The following LST1 variants were observed in gnomAD, a reference collection of about 807,000 sequenced individuals.
The protein encoded by LST1 is leukocyte-specific transcript 1 protein.
Under a neutral mutation model 8.5 loss-of-function variants are expected in LST1, and 9 were observed. That is an observed-to-expected ratio of 1.06 (90% confidence interval 0.64 to 1.85). The LOEUF (loss-of-function observed/expected upper bound fraction) is 1.85. Among genes scored for constraint, LST1 ranks in the 40% most tolerant of loss-of-function variants. LST1 has a pLI of 0.00. For synonymous variants in LST1, 53 were observed against 50.4 expected, an observed-to-expected ratio of 1.05 and a Z score of -0.21; for missense variants, 121 against 117.1, an observed-to-expected ratio of 1.03 and a Z score of -0.16.
In LST1 at chr6:31,587,241, C is replaced by T. The variant is rs1772015062; in HGVS notation, c.-59C>T. ...AAGTCACCAGCCCCTGATCATTTCG[C>T]CTAAAAGAGCAAGGACTAGAGTTCC... On this transcript the variant is annotated 5_prime_UTR_variant, in exon 2 of 5. Transcript: ENST00000438075. 1 of 1,167,940 alleles carries T rather than the reference C, an allele frequency of 8.6e-7. No homozygotes were observed. Among genetic ancestry groups the T allele is most frequent in the Non-Finnish European group, 1.3e-6 (1 of 774,998 alleles). 72.3% of individuals were successfully genotyped at this position (1,167,940 alleles called of 1,614,324 possible).
intron 4 of LST1, 75 bp downstream of exon 4, chr6:31,588,041 G>A (rs13211368): frequency 0.015 from 22,630 of 1,479,206 alleles, 271 homozygotes; most frequent in South Asian, 0.047. Flanking sequence ...ATGGCTGAGC[G>A]CTGAGAGGAG....
rs754305381 is a variant in LST1, at chr6:31,588,513, C to A, written c.136-5C>A. The A allele has an allele frequency of 6.9e-6, 11 of 1,594,616 alleles. No individual in the cohort carries two copies. The highest frequency in any genetic ancestry group is 9.4e-6 in the Non-Finnish European group (11 of 1,170,920). ...TCCCATCAGCACCTTCTGTCCTGGT[C>A]CCAGGCCCAGGGCTCCTCAGAGCAG... On this transcript the variant is annotated splice_region_variant and splice_polypyrimidine_tract_variant and intron_variant, in intron 4 of 4. Transcript: ENST00000438075.
chr6:31,588,718 T>A lies in LST1; in HGVS notation c.*42T>A. 1 of 1,607,786 alleles carries A rather than the reference T, an allele frequency of 6.2e-7. No individual in the cohort carries two copies. Among genetic ancestry groups the A allele is most frequent in the Non-Finnish European group, 8.5e-7 (1 of 1,175,292 alleles). On this transcript the variant is annotated 3_prime_UTR_variant, in exon 5 of 5. Coordinates refer to ENST00000438075, the MANE Select transcript of LST1 (RefSeq NM_205839.3). ...CCTCAACCCAGGCGGGTGGACAGGGTCCCCCTGTGGTCCAGCCAGTAAAAA... is the reference window on the plus strand; with the variant it reads ...CCTCAACCCAGGCGGGTGGACAGGGACCCCCTGTGGTCCAGCCAGTAAAAA...
At position 31,588,511 on chromosome 6, in the gene LST1, G is replaced by A. The variant is rs780605169; in HGVS notation, c.136-7G>A. On this transcript the variant is annotated splice_region_variant and splice_polypyrimidine_tract_variant and intron_variant, in intron 4 of 4. Transcript: ENST00000438075. ...CCTCCCATCAGCACCTTCTGTCCTG[G>A]TCCCAGGCCCAGGGCTCCTCAGAGC... The A allele has an allele frequency of 6.3e-7, 1 of 1,592,892 alleles. No homozygotes were observed. The highest frequency in any genetic ancestry group is 1.1e-5 in the South Asian group (1 of 88,532).
Position 31,587,655 on chromosome 6 carries a change from G to C in LST1, c.34G>C (p.Gly12Arg). ...CTTCCCTGAAGATATATGTATCTAC[G>C]GGGGCCTGGGGCTGGGCGGGCTCCT... is the stretch of plus-strand genomic sequence containing the variant. ...LSRNDDICIY[G>R]GLGLGGLLLL... The change falls in exon 3 of 5, where the codon GGG becomes CGG. Residue 12 changes from glycine (G) to arginine (R), a missense_variant. Physicochemically the swap from Gly to Arg is moderately radical, Grantham distance 125. Transcript: ENST00000438075. 2 of 1,601,472 alleles carry C rather than the reference G, an allele frequency of 1.2e-6. No homozygotes were observed. The highest frequency in any genetic ancestry group is 1.1e-5 in the South Asian group (1 of 89,096).
Position 31,587,660 on chromosome 6 carries a change from C to T in LST1, c.39C>T (p.Gly13=), listed in dbSNP as rs1298014188. 1 of 1,603,372 alleles carries T rather than the reference C, an allele frequency of 6.2e-7. No individual in the cohort carries two copies. The highest frequency in any genetic ancestry group is 8.5e-7 in the Non-Finnish European group (1 of 1,175,638). Residue 13 remains glycine, a synonymous_variant, in exon 3 of 5, where the codon GGC becomes GGT. Coordinates refer to ENST00000438075, the MANE Select transcript of LST1 (RefSeq NM_205839.3). The part of the protein sequence containing the change: ...SRNDDICIYG[G]LGLGGLLLLA... ...CTGAAGATATATGTATCTACGGGGG[C>T]CTGGGGCTGGGCGGGCTCCTGCTTC...
chr6:31,587,873 TG>T, intron 3 of LST1, 70 bp from the exon 4 acceptor site: 3 of 1,561,438 alleles, frequency 1.9e-6, no homozygotes, highest in Admixed American at 1.8e-5. Flanking sequence ...CGCCTGCTGG[TG>T]GGGGGAGCCC....
In LST1 at chr6:31,587,218, G is replaced by C; in HGVS notation, c.-82G>C. On this transcript the variant is annotated 5_prime_UTR_variant, in exon 2 of 5. Transcript: ENST00000438075. ...TTCACAGATGAGGAACTTGAGGCAA[G>C]TCACCAGCCCCTGATCATTTCGCCT... 1.1e-6 allele frequency: 1 copy of C among 927,714 alleles called. No homozygotes were observed. 57.5% of individuals were successfully genotyped at this position (927,714 alleles called of 1,614,324 possible). A position where few individuals can be genotyped will look rare whatever the true frequency, so the allele number is the denominator to read the frequency against.
chr6:31,588,017 G>A (rs769747199), intron 4 of LST1, 51 bp downstream of exon 4: 1 of 1,557,634 alleles, frequency 6.4e-7, no homozygotes, highest in Non-Finnish European at 8.7e-7. Flanking sequence ...CTGAGTGGGT[G>A]AGTGGGGAGA....
At chr6:31,587,812 C>A in intron 3 of LST1, 79 bp downstream of exon 3, 1 of 1,511,580 alleles carries the variant, frequency 6.6e-7, no homozygotes. Context: ...CACTGCTTTC[C>A]CAGAACACTG....
rs114824624 is a variant in LST1 at position 31,587,578 on chromosome 6, C to G, written c.20-63C>G. 126 of 1,074,838 alleles carry G rather than the reference C, an allele frequency of 1.2e-4. 1 individual carries two copies. The African/African-American group carries it at 1.8e-3, about 15-fold the overall frequency. 66.6% of individuals were successfully genotyped at this position (1,074,838 alleles called of 1,614,324 possible). A position where few individuals can be genotyped will look rare whatever the true frequency, so the allele number is the denominator to read the frequency against. On this transcript the variant is annotated intron_variant, in intron 2 of 4. Transcript: ENST00000438075. Reference sequence around the variant, plus strand: ...GGAATCTGAGAAAGCTGCAACCAACCAGGAGGCTGGGGTACGCTGGAGAAG... The same window carrying G: ...GGAATCTGAGAAAGCTGCAACCAACGAGGAGGCTGGGGTACGCTGGAGAAG...
At chr6:31,588,160 G>C (rs886335744) in intron 4 of LST1, 194 bp downstream of exon 4, 2 of 592,834 alleles carry the variant, frequency 3.4e-6, no homozygotes, top group Non-Finnish European at 5.8e-6. Context: ...GAAAAAGTGA[G>C]ACAGAGGATA....
intron 1 of LST1, chr6:31,586,824 C>G (rs1183454181): frequency 6.0e-6 from 1 of 166,826 alleles, no homozygotes; most frequent in Non-Finnish European, 1.3e-5. Flanking sequence ...TGATATCACC[C>G]TCCCTTCTTC....
In LST1 at chr6:31,588,656, G is replaced by T. The variant is rs374486440; in HGVS notation, c.274G>T (p.Ala92Ser). ...EDPRADYACI[A>S]ENKPT is the part of the protein sequence containing the mutation. The stretch of plus-strand genomic sequence containing the variant: ...TCCAAGAGCTGACTATGCCTGCATT[G>T]CTGAGAACAAACCCACCTGAGCACC... Residue 92 changes from alanine (A) to serine (S), a missense_variant, in exon 5 of 5, where the codon GCT (alanine) becomes TCT (serine). Ala to Ser is a moderately conservative substitution (Grantham distance 99, BLOSUM62 1). Transcript: ENST00000438075. The T allele has an allele frequency of 4.6e-5, 75 of 1,613,022 alleles. No individual in the cohort carries two copies. Among genetic ancestry groups the T allele is most frequent in the Non-Finnish European group, 5.8e-5 (69 of 1,180,026 alleles).
At position 31,588,403 on chromosome 6, in the gene LST1, G is replaced by GGGGA. The variant is rs1181746757; in HGVS notation, c.136-114_136-113insGGAG. 7.4e-6 allele frequency: 4 copies of GGGGA among 539,870 alleles called. No homozygotes were observed. In the South Asian group the frequency reaches 8.4e-5, roughly 11 times the overall value. The allele number at this position is 539,870 out of a possible 1,614,324, so 33.4% of individuals were successfully genotyped here. A position where few individuals can be genotyped will look rare whatever the true frequency, so the allele number is the denominator to read the frequency against. ...GAGAGAGAGAGAGAGAGAGAGAGAG[G>GGGGA]GAGAGAGAGAGAGAGAGAGGGAGAG... is the stretch of plus-strand genomic sequence containing the variant. On this transcript the variant is annotated intron_variant, in intron 4 of 4. Coordinates refer to ENST00000438075, the MANE Select transcript of LST1 (RefSeq NM_205839.3).
chr6:31,588,389 A>G (rs370091858), intron 4 of LST1, 129 bp from the exon 5 acceptor site: 5 of 889,238 alleles, frequency 5.6e-6, no homozygotes, highest in African/African-American at 5.1e-5. Context: ...AGAGAGAGAG[A>G]GAGAGAGAGA....
intron 4 of LST1, 147 bp from the exon 5 acceptor site, chr6:31,588,371 A>AC: frequency 4.9e-6 from 4 of 809,280 alleles, no homozygotes; most frequent in Non-Finnish European, 5.8e-6. Context: ...TCTCCAAAGA[A>AC]AAAAGAGAGA....
chr6:31,588,534 A>G lies in LST1; in HGVS notation c.152A>G (p.Glu51Gly), dbSNP rs778016716. 1.2e-6 allele frequency: 2 copies of G among 1,608,674 alleles called. No homozygotes were observed. The highest frequency in any genetic ancestry group is 1.7e-6 in the Non-Finnish European group (2 of 1,177,980). The change falls in exon 5 of 5, where the codon GAG becomes GGG. Residue 51 changes from glutamate (E) to glycine (G), a missense_variant. Physicochemically the swap from Glu to Gly is moderately conservative, Grantham distance 98. Transcript: ENST00000438075. ...TGGTCCCAGGCCCAGGGCTCCTCAG[A>G]GCAGGAACTCCACTATGCATCTCTG... ...LERSWAQGSS[E>G]QELHYASLQR... is the part of the protein sequence containing the mutation.
In LST1 at chr6:31,588,730, C is replaced by T; in HGVS notation, c.*54C>T. 1 of 1,598,348 alleles carries T rather than the reference C, an allele frequency of 6.3e-7. No individual in the cohort carries two copies. The highest frequency in any genetic ancestry group is 8.6e-7 in the Non-Finnish European group (1 of 1,166,632). On this transcript the variant is annotated 3_prime_UTR_variant, in exon 5 of 5. Transcript: ENST00000438075. ...CGGGTGGACAGGGTCCCCCTGTGGT[C>T]CAGCCAGTAAAAACCATGGTCCCCC...
Sources: gnomAD v4.1 joint callset for allele counts on GRCh38, gnomAD v4.1.1 for gene constraint, MANE v1.5 for transcripts, NCBI Gene and HGNC (gene_info 2026-07-23, HGNC 2026-07-21) for gene names.